HERC4: variants seen among roughly 807,000 people sequenced by gnomAD.
HERC4 encodes probable E3 ubiquitin-protein ligase HERC4.
In HERC4, 28 loss-of-function variants were observed where a neutral mutation model predicts 124.3. The ratio of observed to expected loss-of-function variants is 0.23; its 90% CI spans 0.17 to 0.31. HERC4 has a LOEUF of 0.31. Among genes scored for constraint, HERC4 ranks in the 10% least tolerant of loss-of-function variants. The pLI is 1.00. For synonymous variants in HERC4, 407 were observed against 421.5 expected (o/e 0.97, Z 0.42); for missense variants, 713 against 1,229.3 (o/e 0.58, Z 6.28).
intron 22 of HERC4, among the ~76,000 whole-genome samples, chr10:67,934,982 T>C (rs1304998343): frequency 6.6e-6 from 1 of 151,866 alleles, no homozygotes; most frequent in African/African-American, 2.4e-5. Flanking sequence ...TTTTTTCCAT[T>C]TTTAATTGTA....
chr10:68,059,463 A>T (rs888395317), intron 3 of HERC4, among the ~76,000 whole-genome samples: 1 of 129,552 alleles, frequency 7.7e-6, no homozygotes, highest in Non-Finnish European at 1.6e-5. Context: ...TATTATAATA[A>T]TATTATATAT....
chr10:68,044,712 T>C, intron 3 of HERC4, 149 bp from the exon 4 acceptor site: 1 of 671,580 alleles, frequency 1.5e-6, no homozygotes, highest in Non-Finnish European at 2.5e-6. Flanking sequence ...ACACACTAGA[T>C]ATAACCAGTT....
chr10:68,003,278 C>A (rs2037340631), intron 9 of HERC4, among the ~76,000 whole-genome samples: 1 of 151,646 alleles, frequency 6.6e-6, no homozygotes, highest in Non-Finnish European at 1.5e-5. Flanking sequence ...CACAGCCTCC[C>A]GAGTAGCTGG....
intron 3 of HERC4, among the ~76,000 whole-genome samples, chr10:68,059,551 TAA>T (rs2040766804): frequency 9.0e-6 from 1 of 110,936 alleles, no homozygotes; most frequent in Non-Finnish European, 1.7e-5. Flanking sequence ...TTATATATCA[TAA>T]TATATATCAT....
At chr10:67,953,332 T>C (rs2033935644) in intron 19 of HERC4, among the ~76,000 whole-genome samples, 2 of 152,210 alleles carry the variant, frequency 1.3e-5, no homozygotes, top group South Asian at 4.1e-4. Context: ...TCTGGCTGTC[T>C]ATCTATATTA....
intron 15 of HERC4, among the ~76,000 whole-genome samples, chr10:67,973,312 G>A (rs964184865): frequency 2.0e-5 from 3 of 152,126 alleles, no homozygotes; most frequent in South Asian, 2.1e-4. Context: ...GAGAATGAGC[G>A]GCACATGGAG....
In HERC4 at chr10:67,922,954, T is replaced by A. The variant is rs752974560; in HGVS notation, c.3127A>T (p.Asn1043Tyr). 31 of 1,611,274 alleles carry A rather than the reference T, an allele frequency of 1.9e-5. No homozygotes were observed. The African/African-American group carries it at 4.0e-4, about 21-fold the overall frequency. Residue 1043 changes from asparagine to tyrosine, a missense_variant, in exon 25 of 25, where the codon AAT becomes TAT. Transcript: ENST00000373700. ...AGTTATATTAAACTGAAGCCTTCAT[T>A]GTGATCAATAGCTTGGATCAGTTTA... ...RSKLIQAIDH[N>Y]EGFSLI
At chr10:67,965,203 G>C (rs1370065768) in intron 16 of HERC4, 1 of 152,116 alleles carries the variant, frequency 6.6e-6, no homozygotes, top group Non-Finnish European at 1.5e-5. Flanking sequence ...ATTCAGATTA[G>C]TACTCATACT....
At chr10:68,006,368 TG>T (rs2037555046) in intron 9 of HERC4, among the ~76,000 whole-genome samples, 1 of 149,000 alleles carries the variant, frequency 6.7e-6, no homozygotes, top group African/African-American at 2.5e-5. Flanking sequence ...TTTTTGTTTT[TG>T]TTTTTGTTTT....
chr10:67,959,178 C>G (rs2034339040), intron 16 of HERC4: 1 of 1,540,166 alleles, frequency 6.5e-7, no homozygotes, highest in African/African-American at 1.4e-5. Context: ...GAGGAAAGAG[C>G]AATATTAGTG....
chr10:67,941,716 T>A (rs1589141258), intron 19 of HERC4, among the ~76,000 whole-genome samples: 1 of 139,494 alleles, frequency 7.2e-6, no homozygotes, highest in South Asian at 2.8e-4. Flanking sequence ...TCTCCCTCTG[T>A]CACCCAGGAT....
chr10:67,941,511 C>T (rs184294756), intron 19 of HERC4, among the ~76,000 whole-genome samples: 84 of 152,060 alleles, frequency 5.5e-4, no homozygotes, highest in Non-Finnish European at 6.8e-4. Context: ...GAATAAACAC[C>T]TGTAAACCAA....
At chr10:68,052,023 T>C (rs2040339362) in intron 3 of HERC4, among the ~76,000 whole-genome samples, 1 of 152,096 alleles carries the variant, frequency 6.6e-6, no homozygotes, top group African/African-American at 2.4e-5. Flanking sequence ...AAAAAAAGTA[T>C]CATTGTGTTC....
At chr10:67,931,503 C>A (rs903748379) in intron 23 of HERC4, among the ~76,000 whole-genome samples, 1 of 151,870 alleles carries the variant, frequency 6.6e-6, no homozygotes, top group Admixed American at 6.6e-5. Context: ...TGGCTCACTG[C>A]AACCTCCGCT....
At chr10:67,924,993 A>T in intron 24 of HERC4, 92 bp downstream of exon 24, 1 of 705,770 alleles carries the variant, frequency 1.4e-6, no homozygotes, top group Non-Finnish European at 2.4e-6. Context: ...TCTGTTTCAA[A>T]AAAATTACTT....
rs770009086 is a variant in HERC4 at position 68,034,119 on chromosome 10, C to T, written c.531G>A (p.Lys177=). ...ACTTAAGCAGCTGCGGTGAAGTTTG[C>T]TTTTTACAGTCAGTACCTAAACCCA... ...GQLGLGTDCK[K]QTSPQLLKSL... The change falls in exon 6 of 25, where the codon AAG becomes AAA. Residue 177 remains lysine (K), a synonymous_variant. Transcript: ENST00000373700. 1.9e-6 allele frequency: 3 copies of T among 1,614,100 alleles called. No homozygotes were observed. Among genetic ancestry groups the T allele is most frequent in the East Asian group, 2.2e-5 (1 of 44,868 alleles).
intron 9 of HERC4, among the ~76,000 whole-genome samples, chr10:67,999,626 A>G (rs559247748): frequency 5.0e-4 from 76 of 152,356 alleles, no homozygotes; most frequent in Non-Finnish European, 8.4e-4. Flanking sequence ...CAGACATTTC[A>G]TGAAACTGCT....
At chr10:68,043,965 T>TA (rs1410686836) in intron 4 of HERC4, among the ~76,000 whole-genome samples, 2 of 152,172 alleles carry the variant, frequency 1.3e-5, no homozygotes, top group Admixed American at 1.3e-4. Context: ...GGAAAGTGAC[T>TA]AAATTCTTTT....
intron 3 of HERC4, among the ~76,000 whole-genome samples, chr10:68,049,894 G>A (rs138043413): frequency 0.026 from 3,921 of 152,130 alleles, 69 homozygotes; most frequent in Non-Finnish European, 0.04. Context: ...CTGGGAGATA[G>A]TAAGACGGTC....
Sources: allele counts gnomAD v4.1 joint callset (sites outside exome capture counted in the v4.1 genomes callset), GRCh38; gene constraint gnomAD v4.1.1; transcripts MANE v1.5; gene names NCBI Gene and HGNC (gene_info 2026-07-23, HGNC 2026-07-21).